FBXO16: variants seen among roughly 807,000 people sequenced by gnomAD.
FBXO16 encodes F-box protein 16.
In FBXO16, 31 loss-of-function variants were observed where a neutral mutation model predicts 41.0. The ratio of observed to expected loss-of-function variants is 0.76; its 90% CI spans 0.57 to 1.02. The LOEUF (loss-of-function observed/expected upper bound fraction) is 1.02, where lower values mean the gene tolerates loss of function less well. Among genes scored for constraint, FBXO16 ranks in the 50% least tolerant of loss-of-function variants. The probability of loss-of-function intolerance (pLI) is 0.00; values close to 1 mark genes in which losing one functional copy is unlikely to be tolerated. For missense variants in FBXO16, 361 were observed against 346.2 expected (o/e 1.04, Z -0.34); for synonymous variants, 133 against 117.8 (o/e 1.13, Z -0.84).
chr8:28,434,761 T>G (rs1177671353), intron 7 of FBXO16, among the ~76,000 whole-genome samples: 1 of 152,204 alleles, frequency 6.6e-6, no homozygotes, highest in Non-Finnish European at 1.5e-5. Flanking sequence ...GCTCAGCCCC[T>G]TGCGGGAGGG....
chr8:28,463,911 G>T, intron 3 of FBXO16, 93 bp from the exon 4 acceptor site: 1 of 1,166,120 alleles, frequency 8.6e-7, no homozygotes, highest in Non-Finnish European at 1.2e-6. Context: ...GGCATAGAAA[G>T]GGAGTTTAGT....
intron 3 of FBXO16, among the ~76,000 whole-genome samples, chr8:28,473,372 T>G (rs1273783515): frequency 6.6e-6 from 1 of 152,168 alleles, no homozygotes; most frequent in Non-Finnish European, 1.5e-5. Flanking sequence ...CAAATTCATG[T>G]TGAAATCTCA....
At chr8:28,487,331 G>A (rs1463011192) in intron 1 of FBXO16, among the ~76,000 whole-genome samples, 2 of 150,848 alleles carry the variant, frequency 1.3e-5, no homozygotes, top group Admixed American at 1.3e-4. Context: ...CAGGCAGCGT[G>A]TATATTTGCA....
intron 1 of FBXO16, among the ~76,000 whole-genome samples, chr8:28,488,293 C>CTTTTTTTTTTTTTTTTTTTTTTTTTTTTT (rs10708340): frequency 1.0e-5 from 1 of 96,194 alleles, no homozygotes; most frequent in African/African-American, 4.0e-5. Context: ...TCTTCTAAGC[C>CTTTTTTTTTTTTTTTTTTTTTTTTTTTTT]TTTTTTTTTT....
chr8:28,429,805 A>T (rs954291091), intron 7 of FBXO16, among the ~76,000 whole-genome samples: 4 of 152,134 alleles, frequency 2.6e-5, no homozygotes, highest in African/African-American at 9.7e-5. Context: ...GCTCCCTCTC[A>T]TTCCACAAGG....
At chr8:28,480,093 G>T (rs7011795) in intron 2 of FBXO16, among the ~76,000 whole-genome samples, 4,362 of 151,994 alleles carry the variant, frequency 0.029, 218 homozygotes, top group African/African-American at 0.098. Context: ...GGCTGAATCT[G>T]TCTCTCTCCC....
intron 4 of FBXO16, among the ~76,000 whole-genome samples, chr8:28,462,655 T>C (rs902131102): frequency 2.0e-5 from 3 of 152,212 alleles, no homozygotes; most frequent in Non-Finnish European, 4.4e-5. Flanking sequence ...AGGTAATATC[T>C]GGTCTTGCCA....
chr8:28,454,556 A>G (rs1438143729), intron 5 of FBXO16, among the ~76,000 whole-genome samples: 1 of 150,990 alleles, frequency 6.6e-6, no homozygotes, highest in Non-Finnish European at 1.5e-5. Flanking sequence ...GTGAAACCCC[A>G]TCTCTACTAA....
At chr8:28,484,182 A>T (rs1803564902) in intron 1 of FBXO16, among the ~76,000 whole-genome samples, 1 of 152,206 alleles carries the variant, frequency 6.6e-6, no homozygotes, top group African/African-American at 2.4e-5. Context: ...GAAGAGAAGT[A>T]TTTTAAATTT....
intron 7 of FBXO16, among the ~76,000 whole-genome samples, chr8:28,435,104 C>G (rs1325839708): frequency 6.6e-6 from 1 of 152,020 alleles, no homozygotes; most frequent in Non-Finnish European, 1.5e-5. Context: ...CTTGGTGGGT[C>G]CTGAGCTCTT....
At position 28,478,821 on chromosome 8, in the gene FBXO16, CAAAAAA is replaced by C. The variant is rs35959759; in HGVS notation, c.99+4521_99+4526del. Among the ~76,000 whole-genome samples the C allele has an allele frequency of 5.9e-5, 7 of 117,816 alleles. No individual in the cohort carries two copies. In the East Asian group the frequency reaches 1.0e-3, roughly 17 times the overall value. The allele number at this position is 117,816 out of a possible 152,430, so 77.3% of individuals were successfully genotyped here. A position where few individuals can be genotyped will look rare whatever the true frequency, so the allele number is the denominator to read the frequency against. On this transcript the variant is annotated intron_variant, in intron 2 of 8. Coordinates refer to ENST00000380254, the MANE Select transcript of FBXO16 (RefSeq NM_172366.4). ...TGGGCAACACAATGAATTCTGTCTC[CAAAAAA>C]AAAAAAAAAAAAAAATTGTAATCCC...
At chr8:28,460,210 AAT>A (rs1179565444) in intron 4 of FBXO16, among the ~76,000 whole-genome samples, 1 of 129,982 alleles carries the variant, frequency 7.7e-6, no homozygotes, top group Non-Finnish European at 1.6e-5. Context: ...TACAGTAACA[AAT>A]ATATATGTGT....
At chr8:28,432,011 G>A (rs1802612526) in intron 7 of FBXO16, among the ~76,000 whole-genome samples, 1 of 151,712 alleles carries the variant, frequency 6.6e-6, no homozygotes, top group Non-Finnish European at 1.5e-5. Context: ...TATGTAGTGA[G>A]CAAACGTAGA....
intron 3 of FBXO16, among the ~76,000 whole-genome samples, chr8:28,465,028 G>A (rs767121712): frequency 2.0e-5 from 3 of 151,892 alleles, no homozygotes; most frequent in Admixed American, 6.6e-5. Context: ...AAAAAGGCAC[G>A]TAAAGGAAAA....
intron 7 of FBXO16, among the ~76,000 whole-genome samples, chr8:28,446,107 C>T (rs1432911348): frequency 6.7e-6 from 1 of 149,004 alleles, no homozygotes; most frequent in African/African-American, 2.5e-5. Context: ...AGTCAATTCG[C>T]TGTTTTTTAA....
At chr8:28,460,420 C>G (rs1338278954) in intron 4 of FBXO16, among the ~76,000 whole-genome samples, 1 of 85,828 alleles carries the variant, frequency 1.2e-5, no homozygotes, top group Admixed American at 1.3e-4. Context: ...CTATACCTGG[C>G]TAATTTTTTT....
chr8:28,470,668 G>A (rs371312312), intron 3 of FBXO16, among the ~76,000 whole-genome samples: 2 of 152,068 alleles, frequency 1.3e-5, no homozygotes, highest in Non-Finnish European at 2.9e-5. Context: ...TGGGAATTTC[G>A]TTGTTTTCAT....
chr8:28,440,288 G>C (rs531888652), intron 7 of FBXO16, among the ~76,000 whole-genome samples: 7 of 152,006 alleles, frequency 4.6e-5, no homozygotes, highest in African/African-American at 1.7e-4. Flanking sequence ...TTTTTTTGCA[G>C]AGACAGGGTC....
rs1435201082 is a variant in FBXO16, at chr8:28,447,242, A to C, written c.772T>G (p.Phe258Val). 1 of 1,613,572 alleles carries C rather than the reference A, an allele frequency of 6.2e-7. No homozygotes were observed. The highest frequency in any genetic ancestry group is 1.3e-5 in the African/African-American group (1 of 74,910). Residue 258 changes from phenylalanine (F) to valine (V), a missense_variant, in exon 7 of 9, where the codon TTC becomes GTC. Physicochemically the swap from Phe to Val is conservative, Grantham distance 50. Transcript: ENST00000380254. ...TTCTTATCATGTGACTGTCGGCTGA[A>C]GTCTGGGGTCATTTGGTTTCTTTTT... ...RRKRNQMTPD[F>V]SRQSHDKKNK...
Sources: gnomAD v4.1 joint callset for allele counts (sites outside exome capture counted in the v4.1 genomes callset) on GRCh38, gnomAD v4.1.1 for gene constraint, MANE v1.5 for transcripts, NCBI Gene and HGNC (gene_info 2026-07-23, HGNC 2026-07-21) for gene names.